TCF4: variants seen among roughly 807,000 people sequenced by gnomAD.
TCF4 encodes the protein transcription factor 4, also known as SL3-3 enhancer factor 2.
In TCF4, 3 loss-of-function variants were observed where a neutral mutation model predicts 82.1. That is an observed-to-expected ratio of 0.04 (90% CI 0.02 to 0.09). The LOEUF (loss-of-function observed/expected upper bound fraction) is 0.09. Among genes scored for constraint, TCF4 ranks in the 10% least tolerant of loss-of-function variants. The pLI is 1.00. For synonymous variants in TCF4, 276 were observed against 309.6 expected (o/e 0.89, Z 1.14); for missense variants, 518 against 852.7 (o/e 0.61, Z 4.89).
chr18:55,326,765 G>A (rs2076635385), intron 8 of TCF4, among the ~76,000 whole-genome samples: 1 of 152,094 alleles, frequency 6.6e-6, no homozygotes, highest in African/African-American at 2.4e-5. Context: ...CTCTCCAGCA[G>A]GAGTCACTCC....
chr18:55,622,533 C>T (rs894223841), intron 2 of TCF4, among the ~76,000 whole-genome samples: 10 of 147,822 alleles, frequency 6.8e-5, no homozygotes, highest in African/African-American at 2.5e-4. Context: ...AAAGTAACTG[C>T]TTTGTTTAGT....
intron 8 of TCF4, among the ~76,000 whole-genome samples, chr18:55,340,242 A>T (rs1299669325): frequency 6.6e-6 from 1 of 152,190 alleles, no homozygotes; most frequent in Non-Finnish European, 1.5e-5. Flanking sequence ...CCACAGTATA[A>T]GCAGCTCCGG....
chr18:55,396,811 G>A (rs2093521636), intron 6 of TCF4, among the ~76,000 whole-genome samples: 1 of 152,058 alleles, frequency 6.6e-6, no homozygotes, highest in Admixed American at 6.6e-5. Context: ...CATCCTCCAG[G>A]TAAGGAAACA....
intron 3 of TCF4, among the ~76,000 whole-genome samples, chr18:55,537,134 GGAA>G (rs2097124102): frequency 8.8e-6 from 1 of 113,200 alleles, no homozygotes; most frequent in African/African-American, 3.4e-5. Flanking sequence ...ACTCCGTCTC[GGAA>G]AAAAAAAAAA....
At chr18:55,544,314 G>A (rs1568361715) in intron 3 of TCF4, among the ~76,000 whole-genome samples, 1 of 152,180 alleles carries the variant, frequency 6.6e-6, no homozygotes, top group Non-Finnish European at 1.5e-5. Context: ...CTCCATGTAT[G>A]TTTATTCCCT....
At chr18:55,423,184 C>T (rs911338316) in intron 5 of TCF4, among the ~76,000 whole-genome samples, 3 of 146,348 alleles carry the variant, frequency 2.0e-5, no homozygotes, top group Admixed American at 1.4e-4. Context: ...AAAAAAAAAT[C>T]GTTATTCCAG....
chr18:55,364,257 A>G (rs779075543), intron 6 of TCF4, among the ~76,000 whole-genome samples: 2 of 152,226 alleles, frequency 1.3e-5, no homozygotes, highest in Non-Finnish European at 2.9e-5. Flanking sequence ...ATAGATGCCT[A>G]TGGTAACATT....
chr18:55,321,556 A>C (rs2075499184), intron 8 of TCF4: 1 of 1,407,176 alleles, frequency 7.1e-7, no homozygotes. Flanking sequence ...CATGGCACCC[A>C]GGAAGGTGCG....
chr18:55,445,977 T>C (rs1044382484), intron 5 of TCF4, among the ~76,000 whole-genome samples: 1 of 152,214 alleles, frequency 6.6e-6, no homozygotes, highest in African/African-American at 2.4e-5. Context: ...CATTCCAAGC[T>C]TCCCTTGCAG....
intron 6 of TCF4, among the ~76,000 whole-genome samples, chr18:55,365,156 AATATATAT>A (rs139574594): frequency 0.067 from 5,622 of 83,468 alleles, 541 homozygotes; most frequent in African/African-American, 0.23. Flanking sequence ...CCATCTCCAA[AATATATAT>A]ATATATATAT....
intron 8 of TCF4, among the ~76,000 whole-genome samples, chr18:55,324,968 G>A (rs1483352086): frequency 6.6e-6 from 1 of 152,154 alleles, no homozygotes; most frequent in African/African-American, 2.4e-5. Flanking sequence ...AAAAGTCTTT[G>A]ACAGATATAT....
intron 2 of TCF4, among the ~76,000 whole-genome samples, chr18:55,627,562 G>A (rs1001755683): frequency 6.7e-6 from 1 of 149,688 alleles, no homozygotes; most frequent in East Asian, 2.0e-4. Flanking sequence ...TCAGGAGTTC[G>A]AGACCAGCCT....
At chr18:55,354,907 G>A (rs1037306939) in intron 6 of TCF4, among the ~76,000 whole-genome samples, 5 of 152,148 alleles carry the variant, frequency 3.3e-5, no homozygotes, top group Admixed American at 6.5e-5. Flanking sequence ...TCGATTCTGC[G>A]TCACTCCCAT....
intron 5 of TCF4, among the ~76,000 whole-genome samples, chr18:55,418,828 A>G (rs77197894): frequency 0.011 from 1,630 of 152,236 alleles, 52 homozygotes; most frequent in Admixed American, 0.066. Flanking sequence ...TTTACTTTTT[A>G]TCTAAGAAAA....
chr18:55,486,920 G>T (rs1241496249), intron 3 of TCF4, among the ~76,000 whole-genome samples: 1 of 152,004 alleles, frequency 6.6e-6, no homozygotes, highest in Non-Finnish European at 1.5e-5. Flanking sequence ...TAACTAGCAC[G>T]TCTCATAATA....
At chr18:55,236,572 A>C (rs1414673045) in intron 15 of TCF4, among the ~76,000 whole-genome samples, 1 of 151,938 alleles carries the variant, frequency 6.6e-6, no homozygotes. Context: ...AACCATTTGT[A>C]ACTCACTCTC....
intron 3 of TCF4, among the ~76,000 whole-genome samples, chr18:55,545,583 G>C (rs2097199546): frequency 6.6e-6 from 1 of 152,002 alleles, no homozygotes. Context: ...CAAGTAGCTG[G>C]GATTACAGGT....
intron 3 of TCF4, among the ~76,000 whole-genome samples, chr18:55,579,966 A>G (rs891968250): frequency 6.6e-6 from 1 of 152,026 alleles, no homozygotes; most frequent in Non-Finnish European, 1.5e-5. Flanking sequence ...ATAAACTTTC[A>G]TTACATAGTT....
At position 55,317,079 on chromosome 18, in the gene TCF4, A is replaced by T. The variant is rs79813124; in HGVS notation, c.549+33280T>A. On this transcript the variant is annotated intron_variant, in intron 8 of 19. Coordinates refer to ENST00000354452, the MANE Select transcript of TCF4 (RefSeq NM_001083962.2). ...AATGTCAAGATTAAGTGTCTGGTGA[A>T]TTTTTATCAGCTTAAACATAAAGAA... 4.2e-3 allele frequency among the ~76,000 whole-genome samples: 646 copies of T among 152,168 alleles called. 15 individuals are homozygous for T. The East Asian group carries it at 0.091, about 21-fold the overall frequency.
Sources: allele counts gnomAD v4.1 joint callset (sites outside exome capture counted in the v4.1 genomes callset), GRCh38; gene constraint gnomAD v4.1.1; transcripts MANE v1.5; gene names NCBI Gene and HGNC (gene_info 2026-07-23, HGNC 2026-07-21).